Variants in RSRC2 observed in about 807,000 individuals in gnomAD.
RSRC2 encodes the protein arginine and serine rich coiled-coil 2, also known as arginine/serine-rich coiled-coil protein 2.
RSRC2 carries 5 observed loss-of-function variants against 61.3 expected under a neutral mutation model. The ratio of observed to expected loss-of-function variants is 0.08; its 90% CI spans 0.04 to 0.17. RSRC2 has a LOEUF of 0.17. RSRC2 is among the 10% of genes least tolerant of loss of function. The probability of loss-of-function intolerance (pLI) is 1.00; values close to 1 mark genes in which losing one functional copy is unlikely to be tolerated. For synonymous variants in RSRC2, 202 were observed against 166.5 expected (o/e 1.21, Z -1.64); for missense variants, 381 against 518.8 (o/e 0.73, Z 2.58).
At chr12:122,526,618 G>A (rs930630172) in intron 1 of RSRC2, among the ~76,000 whole-genome samples, 2 of 151,944 alleles carry the variant, frequency 1.3e-5, no homozygotes, top group Non-Finnish European at 2.9e-5. Flanking sequence ...GGGAAGAGAG[G>A]AGGAAAGTTC....
chr12:122,515,568 T>C (rs1286824939), intron 5 of RSRC2, among the ~76,000 whole-genome samples: 1 of 152,236 alleles, frequency 6.6e-6, no homozygotes, highest in African/African-American at 2.4e-5. Flanking sequence ...TTGGAAAAGC[T>C]AGCCTTATAC....
At chr12:122,525,135 A>C (rs1004522372) in intron 1 of RSRC2, among the ~76,000 whole-genome samples, 1 of 152,168 alleles carries the variant, frequency 6.6e-6, no homozygotes, top group Non-Finnish European at 1.5e-5. Context: ...GCACTTTGGG[A>C]GGCCGAGGCG....
intron 5 of RSRC2, 69 bp from the exon 6 acceptor site, chr12:122,515,296 A>G (rs898264178): frequency 1.1e-5 from 16 of 1,488,586 alleles, no homozygotes; most frequent in South Asian, 4.9e-5. Context: ...TAAGAAATCA[A>G]TTAGTTCAAA....
At chr12:122,509,844 TTTTC>T (rs1357916971) in intron 7 of RSRC2, among the ~76,000 whole-genome samples, 4 of 152,192 alleles carry the variant, frequency 2.6e-5, no homozygotes, top group Non-Finnish European at 5.9e-5. Flanking sequence ...GTTTTTGTTT[TTTTC>T]TTTTTCGTGA....
At chr12:122,518,717 C>G (rs531468590) in intron 4 of RSRC2, 122 bp downstream of exon 4, 1 of 823,818 alleles carries the variant, frequency 1.2e-6, no homozygotes, top group South Asian at 1.7e-5. Flanking sequence ...AACAAAACCA[C>G]AAACCCAAAC....
chr12:122,518,709 C>T (rs1278594953), intron 4 of RSRC2, 130 bp downstream of exon 4: 25 of 791,170 alleles, frequency 3.2e-5, no homozygotes, highest in East Asian at 7.4e-5. Context: ...AAAAAACAAA[C>T]AAAACCACAA....
intron 1 of RSRC2, chr12:122,523,655 G>C (rs1342448884): frequency 6.6e-6 from 1 of 152,206 alleles, no homozygotes; most frequent in Non-Finnish European, 1.5e-5. Context: ...AATCACATTA[G>C]AGAACTTCCT....
At chr12:122,511,887 A>AC (rs1958540599) in intron 6 of RSRC2, among the ~76,000 whole-genome samples, 2 of 152,208 alleles carry the variant, frequency 1.3e-5, no homozygotes, top group South Asian at 4.1e-4. Flanking sequence ...GCTCACTGCA[A>AC]CCTCCGCCTC....
At position 122,516,056 on chromosome 12, in the gene RSRC2, A is replaced by T. The variant is rs560600187; in HGVS notation, c.603-829T>A. 1.1e-4 allele frequency among the ~76,000 whole-genome samples: 17 copies of T among 152,284 alleles called. No homozygotes were observed. The South Asian group carries it at 3.3e-3, about 30-fold the overall frequency. ...TTAAAAAAAAATTTCTTAATTGGTAAGGTTCAAAGTAGTAAACTACTATAA... is the reference window on the plus strand; with the variant it reads ...TTAAAAAAAAATTTCTTAATTGGTATGGTTCAAAGTAGTAAACTACTATAA... On this transcript the variant is annotated intron_variant, in intron 5 of 9. Transcript: ENST00000331738.
chr12:122,506,086 AT>A (rs1419941721), intron 9 of RSRC2, among the ~76,000 whole-genome samples: 2 of 152,076 alleles, frequency 1.3e-5, no homozygotes, highest in Non-Finnish European at 2.9e-5. Flanking sequence ...GGCTGACACT[AT>A]TAAATTATAC....
At chr12:122,519,190 T>C in intron 3 of RSRC2, 161 bp from the exon 4 acceptor site, 1 of 580,472 alleles carries the variant, frequency 1.7e-6, no homozygotes, top group Non-Finnish European at 3.0e-6. Flanking sequence ...ATGTTGCAGA[T>C]GTAATTACTA....
intron 3 of RSRC2, chr12:122,520,380 T>TA: frequency 1.8e-6 from 1 of 563,036 alleles, no homozygotes; most frequent in South Asian, 1.6e-5. Context: ...CTAAAGGTTT[T>TA]AAAGTTTATT....
intron 5 of RSRC2, among the ~76,000 whole-genome samples, chr12:122,516,200 ACTGACCTAAG>A (rs1958907998): frequency 2.0e-5 from 3 of 152,200 alleles, no homozygotes; most frequent in Admixed American, 2.0e-4. Flanking sequence ...TCTTTCATAC[ACTGACCTAAG>A]TTGCAATCAA....
At chr12:122,521,673 A>G (rs543049652) in intron 2 of RSRC2, among the ~76,000 whole-genome samples, 1 of 152,374 alleles carries the variant, frequency 6.6e-6, no homozygotes, top group East Asian at 1.9e-4. Flanking sequence ...GACTTTCAGT[A>G]TTTTACATAT....
Position 122,522,319 on chromosome 12 carries a change from T to C in RSRC2, c.7-20A>G. The C allele has an allele frequency of 6.4e-7, 1 of 1,568,666 alleles. No individual in the cohort carries two copies. The highest frequency in any genetic ancestry group is 1.2e-5 in the South Asian group (1 of 83,618). ...ACTAGCCTAAAAGTTTAAAAACAAA[T>C]GATTAAAGTTCTTAATTACATTTTA... On this transcript the variant is annotated intron_variant, in intron 1 of 9. Coordinates refer to ENST00000331738, the MANE Select transcript of RSRC2 (RefSeq NM_023012.6).
intron 5 of RSRC2, among the ~76,000 whole-genome samples, chr12:122,515,903 C>T (rs557001404): frequency 3.9e-5 from 6 of 152,144 alleles, no homozygotes; most frequent in African/African-American, 9.6e-5. Flanking sequence ...GCAGGAAAAT[C>T]GCTTGAACCC....
intron 8 of RSRC2, 29 bp from the exon 9 acceptor site, chr12:122,506,952 T>C (rs764902474): frequency 3.2e-6 from 4 of 1,256,886 alleles, no homozygotes; most frequent in Non-Finnish European, 3.5e-6. Flanking sequence ...CTTTAAAATA[T>C]GTAAAATTTA....
intron 1 of RSRC2, among the ~76,000 whole-genome samples, chr12:122,525,798 A>T (rs1204188867): frequency 2.5e-5 from 1 of 39,578 alleles, no homozygotes; most frequent in Admixed American, 2.0e-4. Context: ...GGGTCAACGA[A>T]GAGTTTTTTT....
intron 3 of RSRC2, chr12:122,520,697 G>A: frequency 1.7e-6 from 1 of 596,996 alleles, no homozygotes; most frequent in South Asian, 1.5e-5. Flanking sequence ...AAGAGGTGAA[G>A]TCCCTGCCCA....
Sources: allele counts gnomAD v4.1 joint callset (sites outside exome capture counted in the v4.1 genomes callset), GRCh38; gene constraint gnomAD v4.1.1; transcripts MANE v1.5; gene names NCBI Gene and HGNC (gene_info 2026-07-23, HGNC 2026-07-21).